GALNT17: variants seen among roughly 807,000 people sequenced by gnomAD.
GALNT17 encodes UDP-GalNAc:polypeptide N-acetylgalactosaminyltransferase-like 3.
GALNT17 carries 29 observed loss-of-function variants against 63.7 expected under a neutral mutation model. That is an observed-to-expected ratio of 0.46 (90% CI 0.34 to 0.62). The LOEUF (loss-of-function observed/expected upper bound fraction) is 0.62, where lower values mean the gene tolerates loss of function less well. Among genes scored for constraint, GALNT17 ranks in the 20% least tolerant of loss-of-function variants. The pLI, the probability that GALNT17 is intolerant of heterozygous loss-of-function variation, is 0.01. For synonymous variants in GALNT17, 305 were observed against 318.3 expected, an observed-to-expected ratio of 0.96 and a Z score of 0.45; for missense variants, 603 against 799.6, an observed-to-expected ratio of 0.75 and a Z score of 2.97.
At chr7:71,212,382 C>T (rs750160014) in intron 1 of GALNT17, among the ~76,000 whole-genome samples, 7 of 152,218 alleles carry the variant, frequency 4.6e-5, no homozygotes, top group Non-Finnish European at 8.8e-5. Context: ...CCTGGATGCC[C>T]AGGCAAAAGT....
chr7:71,680,702 T>TTTCC (rs1325793326), intron 9 of GALNT17, among the ~76,000 whole-genome samples: 1 of 28,140 alleles, frequency 3.6e-5, no homozygotes, highest in African/African-American at 8.5e-5. Context: ...TTTCCTTTCT[T>TTTCC]TTCCTTCCTT....
chr7:71,392,385 C>T (rs1366563730), intron 3 of GALNT17, among the ~76,000 whole-genome samples: 1 of 152,098 alleles, frequency 6.6e-6, no homozygotes, highest in African/African-American at 2.4e-5. Context: ...TTAACTTGCT[C>T]CAAGGGTGAG....
chr7:71,166,003 G>A (rs1788434254), intron 1 of GALNT17, among the ~76,000 whole-genome samples: 1 of 151,958 alleles, frequency 6.6e-6, no homozygotes, highest in Admixed American at 6.6e-5. Context: ...AGGGCCCTCT[G>A]TAAATGGGTC....
intron 1 of GALNT17, among the ~76,000 whole-genome samples, chr7:71,138,277 A>G (rs1481898862): frequency 6.6e-6 from 1 of 152,158 alleles, no homozygotes; most frequent in Non-Finnish European, 1.5e-5. Context: ...GTTCGAGGCT[A>G]CAGTGAGCTA....
chr7:71,299,194 G>C (rs1791145177), intron 1 of GALNT17, among the ~76,000 whole-genome samples: 1 of 152,178 alleles, frequency 6.6e-6, no homozygotes, highest in African/African-American at 2.4e-5. Flanking sequence ...GGACCAGCTG[G>C]TGGCCCGCCT....
chr7:71,673,538 A>G (rs1791102695), intron 8 of GALNT17, among the ~76,000 whole-genome samples: 1 of 152,214 alleles, frequency 6.6e-6, no homozygotes, highest in Non-Finnish European at 1.5e-5. Flanking sequence ...GCAGTTTTGC[A>G]AGTGGGTACT....
At chr7:71,149,901 G>T (rs993603256) in intron 1 of GALNT17, among the ~76,000 whole-genome samples, 1 of 152,010 alleles carries the variant, frequency 6.6e-6, no homozygotes, top group African/African-American at 2.4e-5. Flanking sequence ...TGTAATCTTG[G>T]GACAGTCATT....
intron 6 of GALNT17, among the ~76,000 whole-genome samples, chr7:71,659,443 C>T (rs1324163946): frequency 2.0e-5 from 3 of 152,216 alleles, no homozygotes; most frequent in East Asian, 3.8e-4. Context: ...GGTGTACAGT[C>T]TCACATGGCC....
chr7:71,393,149 A>G (rs528789520), intron 3 of GALNT17, among the ~76,000 whole-genome samples: 1 of 152,236 alleles, frequency 6.6e-6, no homozygotes, highest in South Asian at 2.1e-4. Context: ...ATAGATTTGT[A>G]TCTGCATGGC....
intron 1 of GALNT17, among the ~76,000 whole-genome samples, chr7:71,280,756 C>T (rs543178817): frequency 6.6e-6 from 1 of 152,194 alleles, no homozygotes; most frequent in Admixed American, 6.5e-5. Flanking sequence ...TTGACAGTTC[C>T]CTTAGAGATG....
At chr7:71,348,746 G>A (rs1293056094) in intron 2 of GALNT17, among the ~76,000 whole-genome samples, 1 of 152,216 alleles carries the variant, frequency 6.6e-6, no homozygotes, top group African/African-American at 2.4e-5. Flanking sequence ...GTAGACAGAT[G>A]AGAGCTGCAG....
intron 1 of GALNT17, among the ~76,000 whole-genome samples, chr7:71,236,462 G>A (rs773973994): frequency 2.6e-5 from 4 of 152,154 alleles, no homozygotes; most frequent in African/African-American, 7.2e-5. Flanking sequence ...TGCTTAGGGC[G>A]TTTTTCTCCA....
Position 71,415,947 on chromosome 7 carries a change from G to A in GALNT17, c.648G>A (p.Lys216=), listed in dbSNP as rs1297526948. ...YVHKRYPGLV[K]VVRNQKREGL... is the part of the protein sequence containing the mutation. ...ACAAACGCTACCCCGGGCTGGTGAA[G>A]GTGGTAAGAAATCAGAAGAGGGAAG... Residue 216 remains lysine, a synonymous_variant, in exon 4 of 11, where the codon AAG becomes AAA. Transcript: ENST00000333538. 1 of 1,613,670 alleles carries A rather than the reference G, an allele frequency of 6.2e-7. No individual in the cohort carries two copies. Among genetic ancestry groups the A allele is most frequent in the Admixed American group, 1.7e-5 (1 of 59,954 alleles).
chr7:71,244,856 G>C (rs577194735), intron 1 of GALNT17, among the ~76,000 whole-genome samples: 1 of 151,948 alleles, frequency 6.6e-6, no homozygotes, highest in African/African-American at 2.4e-5. Flanking sequence ...AGGCCAAGAC[G>C]GGAGGATCAC....
At chr7:71,619,253 C>A (rs1319392721) in intron 6 of GALNT17, among the ~76,000 whole-genome samples, 1 of 152,084 alleles carries the variant, frequency 6.6e-6, no homozygotes, top group Non-Finnish European at 1.5e-5. Flanking sequence ...TCTTTTAGCT[C>A]AAGATTGCTC....
intron 4 of GALNT17, among the ~76,000 whole-genome samples, chr7:71,418,655 G>A (rs148345932): frequency 4.1e-4 from 63 of 152,312 alleles, no homozygotes; most frequent in African/African-American, 1.5e-3. Context: ...AAGTTAAATG[G>A]GAATTGGAGA....
Position 71,132,638 on chromosome 7 carries a change from T to A in GALNT17, c.-165T>A. On this transcript the variant is annotated 5_prime_UTR_variant, in exon 1 of 11. Coordinates refer to ENST00000333538, the MANE Select transcript of GALNT17 (RefSeq NM_022479.3). ...CGTTCTCCCCACCACCAATCCGACC[T>A]CCCAGCCGTCTCCGCCGCCCGAGCA... 1.7e-6 allele frequency: 1 copy of A among 602,786 alleles called. No homozygotes were observed. 37.3% of individuals were successfully genotyped at this position (602,786 alleles called of 1,614,324 possible). A position where few individuals can be genotyped will look rare whatever the true frequency, so the allele number is the denominator to read the frequency against.
chr7:71,440,635 A>G (rs932057644), intron 5 of GALNT17, among the ~76,000 whole-genome samples: 1 of 151,954 alleles, frequency 6.6e-6, no homozygotes, highest in Non-Finnish European at 1.5e-5. Context: ...CGGCCTCCCA[A>G]AGTGCTGGGA....
chr7:71,648,941 A>G (rs1302245994), intron 6 of GALNT17, among the ~76,000 whole-genome samples: 2 of 152,222 alleles, frequency 1.3e-5, no homozygotes, highest in Non-Finnish European at 2.9e-5. Flanking sequence ...TGAAATAACA[A>G]AAGGGTTTGT....
Sources: allele counts gnomAD v4.1 joint callset (sites outside exome capture counted in the v4.1 genomes callset), GRCh38; gene constraint gnomAD v4.1.1; transcripts MANE v1.5; gene names NCBI Gene and HGNC (gene_info 2026-07-23, HGNC 2026-07-21).